SNTG2: variants seen among roughly 807,000 people sequenced by gnomAD.
SNTG2 encodes syntrophin gamma 2.
In SNTG2, 74 loss-of-function variants were observed where a neutral mutation model predicts 70.9. The observed-to-expected ratio is 1.04, with a 90% CI of 0.86 to 1.27. The LOEUF (loss-of-function observed/expected upper bound fraction) is 1.27. Ranked by LOEUF, SNTG2 falls within the 50% of genes most tolerant of loss-of-function variation. The probability of loss-of-function intolerance (pLI) is 0.00; values close to 1 mark genes in which losing one functional copy is unlikely to be tolerated. For synonymous variants in SNTG2, 278 were observed against 273.8 expected (o/e 1.02, Z -0.15); for missense variants, 717 against 690.7 (o/e 1.04, Z -0.43).
At chr2:1,166,867 A>G (rs1054840319) in intron 7 of SNTG2, among the ~76,000 whole-genome samples, 2 of 152,206 alleles carry the variant, frequency 1.3e-5, no homozygotes, top group Non-Finnish European at 2.9e-5. Context: ...AGACACTGGC[A>G]GGCTATCGAC....
intron 8 of SNTG2, among the ~76,000 whole-genome samples, chr2:1,186,644 G>T (rs146021659): frequency 1.3e-5 from 2 of 152,180 alleles, no homozygotes; most frequent in East Asian, 3.9e-4. Flanking sequence ...GAGCAAGAAG[G>T]GGGAGGTGCT....
chr2:1,004,845 A>G lies in SNTG2; in HGVS notation c.72+53777A>G, dbSNP rs376456059. ...AAATGAATTGAAAACTTATGTACCC[A>G]CACAAAAAACATGCAGAGATGTTAA... On this transcript the variant is annotated intron_variant, in intron 1 of 16. Coordinates refer to ENST00000308624, the MANE Select transcript of SNTG2 (RefSeq NM_018968.4). 2.6e-5 allele frequency among the ~76,000 whole-genome samples: 4 copies of G among 152,314 alleles called. No homozygotes were observed. In the South Asian group the frequency reaches 8.3e-4, roughly 32 times the overall value.
chr2:1,233,774 T>C (rs34169310), intron 9 of SNTG2, among the ~76,000 whole-genome samples: 14,733 of 152,294 alleles, frequency 0.097, 790 homozygotes, highest in South Asian at 0.15. Flanking sequence ...CTCTTTGGAA[T>C]TGAAAAATTC....
chr2:1,363,492 T>G (rs1177048736), intron 16 of SNTG2, among the ~76,000 whole-genome samples: 1 of 152,138 alleles, frequency 6.6e-6, no homozygotes, highest in Non-Finnish European at 1.5e-5. Context: ...CCCAACATAT[T>G]GGACTGTTCA....
intron 1 of SNTG2, among the ~76,000 whole-genome samples, chr2:976,874 C>T (rs1320635797): frequency 6.6e-6 from 1 of 152,168 alleles, no homozygotes; most frequent in Non-Finnish European, 1.5e-5. Flanking sequence ...TCCAGATTTG[C>T]TCAGTTTACC....
In SNTG2 at chr2:1,221,788, TC is replaced by T. The variant is rs1674929704; in HGVS notation, c.719+12559del. On this transcript the variant is annotated intron_variant, in intron 9 of 16. Coordinates refer to ENST00000308624, the MANE Select transcript of SNTG2 (RefSeq NM_018968.4). ...CTGTCTCTGCCTCTCTCTGTCTCTG[TC>T]TCTGTCTGTCTCTGTCTCTCTCTCG... Among the ~76,000 whole-genome samples the T allele has an allele frequency of 1.0e-3, 22 of 21,342 alleles. 2 individuals carry two copies. The highest frequency in any genetic ancestry group is 2.8e-3 in the Admixed American group (5 of 1,770). The allele number at this position is 21,342 out of a possible 152,430, so 14.0% of individuals were successfully genotyped here. A position where few individuals can be genotyped will look rare whatever the true frequency, so the allele number is the denominator to read the frequency against.
chr2:1,161,934 C>T (rs956854988), intron 6 of SNTG2, among the ~76,000 whole-genome samples: 36 of 151,918 alleles, frequency 2.4e-4, no homozygotes, highest in South Asian at 4.2e-4. Flanking sequence ...ATTAGCCAGG[C>T]GAGATGGCGG....
chr2:1,358,939 C>G (rs778560904), intron 16 of SNTG2, among the ~76,000 whole-genome samples: 4 of 151,994 alleles, frequency 2.6e-5, no homozygotes, highest in Non-Finnish European at 5.9e-5. Context: ...ATACTGAACT[C>G]TGCTCCTATT....
chr2:1,073,950 A>G (rs1450410385), intron 1 of SNTG2, among the ~76,000 whole-genome samples: 1 of 152,224 alleles, frequency 6.6e-6, no homozygotes, highest in Non-Finnish European at 1.5e-5. Flanking sequence ...AATGGTGTCT[A>G]TAAAACCTAT....
At chr2:1,268,008 A>G (rs958378215) in intron 14 of SNTG2, among the ~76,000 whole-genome samples, 1 of 152,214 alleles carries the variant, frequency 6.6e-6, no homozygotes, top group African/African-American at 2.4e-5. Flanking sequence ...CTCAAACTTG[A>G]TGGTCCGAAG....
chr2:1,101,717 G>C (rs1665793337), intron 4 of SNTG2, among the ~76,000 whole-genome samples: 1 of 152,158 alleles, frequency 6.6e-6, no homozygotes, highest in Admixed American at 6.5e-5. Flanking sequence ...CCAAATGCGG[G>C]GTGATCAGTT....
intron 16 of SNTG2, among the ~76,000 whole-genome samples, chr2:1,333,224 T>G (rs996657680): frequency 4.6e-5 from 7 of 152,092 alleles, no homozygotes; most frequent in Non-Finnish European, 8.8e-5. Flanking sequence ...AGTAAAATAT[T>G]TAGGAATATA....
chr2:1,272,594 GGTGTAGAAAGGACACCCCAGGGAACA>G, intron 14 of SNTG2, among the ~76,000 whole-genome samples: 1 of 151,416 alleles, frequency 6.6e-6, no homozygotes, highest in South Asian at 2.1e-4. Context: ...CCAGGGAGCA[GGTGTAGAAAGGACACCCCAGGGAACA>G]GGTGTAGAAA....
intron 4 of SNTG2, among the ~76,000 whole-genome samples, chr2:1,121,910 T>TA (rs140392408): frequency 3.3e-5 from 5 of 151,580 alleles, no homozygotes; most frequent in Admixed American, 2.0e-4. Flanking sequence ...TTCAAATAAA[T>TA]AAAAAAAGTG....
chr2:1,057,568 A>G (rs1662544868), intron 1 of SNTG2, among the ~76,000 whole-genome samples: 1 of 152,160 alleles, frequency 6.6e-6, no homozygotes, highest in Non-Finnish European at 1.5e-5. Flanking sequence ...TTTTCTGTCT[A>G]CTTTATATTT....
chr2:1,022,570 C>G (rs1240518938), intron 1 of SNTG2, among the ~76,000 whole-genome samples: 1 of 152,074 alleles, frequency 6.6e-6, no homozygotes, highest in Non-Finnish European at 1.5e-5. Context: ...TCCCTGAGTT[C>G]CTGTGATTCC....
intron 1 of SNTG2, among the ~76,000 whole-genome samples, chr2:1,050,858 T>C (rs903166525): frequency 1.3e-5 from 2 of 152,230 alleles, no homozygotes; most frequent in African/African-American, 4.8e-5. Context: ...AATAATGTTT[T>C]GTAATTTTTA....
In SNTG2 at chr2:967,004, T is replaced by C. The variant is rs1283661756; in HGVS notation, c.72+15936T>C. Among the ~76,000 whole-genome samples the C allele has an allele frequency of 4.6e-5, 7 of 152,294 alleles. No homozygotes were observed. In the East Asian group the frequency reaches 9.6e-4, roughly 21 times the overall value. ...AATAGTTTAATGGCTATATTTTTAA[T>C]TTTAAAAAGCTTCTGAAATGAGAAA... On this transcript the variant is annotated intron_variant, in intron 1 of 16. Coordinates refer to ENST00000308624, the MANE Select transcript of SNTG2 (RefSeq NM_018968.4).
chr2:1,163,445 C>G (rs1295831267), intron 6 of SNTG2: 2 of 150,408 alleles, frequency 1.3e-5, no homozygotes, highest in South Asian at 2.1e-4. Context: ...GCACGTGAAG[C>G]CTCCCAACAG....
Sources: gnomAD v4.1 joint callset for allele counts (sites outside exome capture counted in the v4.1 genomes callset) on GRCh38, gnomAD v4.1.1 for gene constraint, MANE v1.5 for transcripts, NCBI Gene and HGNC (gene_info 2026-07-23, HGNC 2026-07-21) for gene names.